The following DSG1 variants were observed in gnomAD, a reference collection of about 807,000 sequenced individuals.
DSG1 encodes desmoglein-1.
DSG1 carries 39 observed loss-of-function variants against 97.5 expected under a neutral mutation model. That is an observed-to-expected ratio of 0.40 (90% CI 0.31 to 0.52). The LOEUF (loss-of-function observed/expected upper bound fraction) is 0.52. Ranked by LOEUF, DSG1 falls within the 20% of genes least tolerant of loss-of-function variation. The pLI, the probability that DSG1 is intolerant of heterozygous loss-of-function variation, is 0.53. For synonymous variants in DSG1, 475 were observed against 443.4 expected (o/e 1.07, Z -0.90); for missense variants, 1,311 against 1,295.4 (o/e 1.01, Z -0.18).
chr18:31,334,318 A>G (rs979509144), intron 8 of DSG1, 116 bp downstream of exon 8: 4 of 684,348 alleles, frequency 5.8e-6, no homozygotes. Context: ...AATAAAAATT[A>G]CTGTGTTTTA....
intron 3 of DSG1, among the ~76,000 whole-genome samples, chr18:31,327,497 A>G (rs1456041425): frequency 6.6e-6 from 1 of 152,118 alleles, no homozygotes; most frequent in Non-Finnish European, 1.5e-5. Flanking sequence ...TCATGAACAT[A>G]CAGATGTACA....
chr18:31,330,101 T>C (rs2071711143), intron 5 of DSG1, 65 bp downstream of exon 5: 2 of 1,557,904 alleles, frequency 1.3e-6, no homozygotes, highest in Admixed American at 3.3e-5. Flanking sequence ...GACTAAACTA[T>C]GTCAAAGTAC....
Position 31,354,349 on chromosome 18 carries a change from T to C in DSG1, c.2153T>C (p.Leu718Ser). 6.2e-7 allele frequency: 1 copy of C among 1,614,252 alleles called. No homozygotes were observed. Among genetic ancestry groups the C allele is most frequent in the Non-Finnish European group, 8.5e-7 (1 of 1,180,044 alleles). ...EDEGRPSNDC[L>S]LIYDIEGVGS... ...GAAGGACGCCCATCTAATGACTGTT[T>C]GCTCATATATGACATCGAAGGTGTA... The change falls in exon 15 of 15, where the codon TTG becomes TCG. Residue 718 changes from leucine to serine, a missense_variant. Physicochemically the swap from Leu to Ser is moderately radical, Grantham distance 145 (BLOSUM62 -2). Coordinates refer to ENST00000257192, the MANE Select transcript of DSG1 (RefSeq NM_001942.4).
Position 31,328,130 on chromosome 18 carries a change from T to C in DSG1, c.217-59T>C, listed in dbSNP as rs141709185. 97 of 1,577,294 alleles carry C rather than the reference T, an allele frequency of 6.1e-5. No individual in the cohort carries two copies. The African/African-American group carries it at 1.1e-3, about 18-fold the overall frequency. ...AACAACTCTCAAGAAAGCTGTCGTA[T>C]ATCAAATATAGAACTCTATTTGCTC... is the stretch of plus-strand genomic sequence containing the variant. On this transcript the variant is annotated intron_variant, in intron 3 of 14. Transcript: ENST00000257192.
chr18:31,340,739 G>A (rs1328169523), intron 11 of DSG1, among the ~76,000 whole-genome samples: 1 of 152,134 alleles, frequency 6.6e-6, no homozygotes. Flanking sequence ...ACTCCAGTGT[G>A]CAAGAAATAA....
chr18:31,336,596 A>T lies in DSG1; in HGVS notation c.1248A>T (p.Arg416Ser). The change falls in exon 9 of 15, where the codon AGA (arginine) becomes AGT (serine). Residue 416 changes from arginine to serine, a missense_variant. This residue lies in a region of DSG1 where 1,038 missense variants were observed against 964.6 expected (regional missense o/e 1.08). Coordinates refer to ENST00000257192, the MANE Select transcript of DSG1 (RefSeq NM_001942.4). ...TAGCTACTGACCTGGACACAGGTAG[A>T]CCTTCAACGACTGTTAGGTAAGAAT... is the stretch of plus-strand genomic sequence containing the variant. Reference protein sequence around the residue: ...DFVATDLDTGRPSTTVRYVMG... With the variant: ...DFVATDLDTGSPSTTVRYVMG... 2 of 1,614,030 alleles carry T rather than the reference A, an allele frequency of 1.2e-6. No homozygotes were observed. Among genetic ancestry groups the T allele is most frequent in the Non-Finnish European group, 1.7e-6 (2 of 1,179,932 alleles).
In DSG1 at chr18:31,357,347, G is replaced by A. The variant is rs1452380915; in HGVS notation, c.*2001G>A. 2.0e-5 allele frequency among the ~76,000 whole-genome samples: 3 copies of A among 151,974 alleles called. No individual in the cohort carries two copies. The highest frequency in any genetic ancestry group is 4.8e-5 in the African/African-American group (2 of 41,408). On this transcript the variant is annotated 3_prime_UTR_variant, in exon 15 of 15. Transcript: ENST00000257192. ...ACTTAGGGGGCCACATTAAGGATGG[G>A]TAATCTTTCCAGGAATAAAGTCAAA...
chr18:31,358,001 A>C lies in DSG1; in HGVS notation c.*2655A>C, dbSNP rs1404355805. Among the ~76,000 whole-genome samples the C allele has an allele frequency of 2.0e-5, 3 of 151,952 alleles. No individual in the cohort carries two copies. The highest frequency in any genetic ancestry group is 7.2e-5 in the African/African-American group (3 of 41,430). On this transcript the variant is annotated 3_prime_UTR_variant, in exon 15 of 15. Transcript: ENST00000257192. ...GGCAGAACTTCATTCTTCTTCTTAG[A>C]TGTTTACTCTAGATCATATACATCA...
chr18:31,328,413 C>T, intron 4 of DSG1, 69 bp downstream of exon 4: 1 of 1,488,750 alleles, frequency 6.7e-7, no homozygotes, highest in Non-Finnish European at 9.3e-7. Flanking sequence ...AATCTCAGAT[C>T]ATACTTAATT....
chr18:31,355,753 G>A lies in DSG1; in HGVS notation c.*407G>A, dbSNP rs186102675. The A allele has an allele frequency of 1.2e-4, 23 of 185,570 alleles. No homozygotes were observed. Among genetic ancestry groups the A allele is most frequent in the African/African-American group, 4.7e-4 (20 of 42,510 alleles). 11.5% of individuals were successfully genotyped at this position (185,570 alleles called of 1,614,324 possible). A position where few individuals can be genotyped will look rare whatever the true frequency, so the allele number is the denominator to read the frequency against. On this transcript the variant is annotated 3_prime_UTR_variant, in exon 15 of 15. Transcript: ENST00000257192. ...CATATCTATGGGAAAAATCTAAAAT[G>A]TGTGCCAGATGCCCTGTTGGTTTCA...
chr18:31,354,784 T>C lies in DSG1; in HGVS notation c.2588T>C (p.Val863Ala). Residue 863 changes from valine to alanine, a missense_variant, in exon 15 of 15, where the codon GTA becomes GCA. Physicochemically the swap from Val to Ala is moderately conservative, Grantham distance 64 (BLOSUM62 0). Around this residue, in one of 3 missense-constraint regions of DSG1, gnomAD observed 1,038 missense variants for 964.6 expected, o/e 1.08. Coordinates refer to ENST00000257192, the MANE Select transcript of DSG1 (RefSeq NM_001942.4). ...VHDNRPASNV[V>A]VTERVVGPIS... is the part of the protein sequence containing the mutation. ...GATAACCGACCAGCATCAAACGTGGTAGTGACAGAGAGAGTGGTCGGCCCA... is the reference window on the plus strand; with the variant it reads ...GATAACCGACCAGCATCAAACGTGGCAGTGACAGAGAGAGTGGTCGGCCCA... 2 of 1,614,134 alleles carry C rather than the reference T, an allele frequency of 1.2e-6. No homozygotes were observed. Among genetic ancestry groups the C allele is most frequent in the African/African-American group, 1.3e-5 (1 of 75,030 alleles).
Position 31,354,359 on chromosome 18 carries a change from T to C in DSG1, c.2163T>C (p.Tyr721=), listed in dbSNP as rs369546705. 1.3e-4 allele frequency: 214 copies of C among 1,614,126 alleles called. No individual in the cohort carries two copies. Among genetic ancestry groups the C allele is most frequent in the South Asian group, 3.4e-4 (31 of 91,094 alleles). Residue 721 remains tyrosine (Y), a synonymous_variant, in exon 15 of 15, where the codon TAT becomes TAC. Transcript: ENST00000257192. The part of the protein sequence containing the change: ...GRPSNDCLLI[Y]DIEGVGSPAG... ...CATCTAATGACTGTTTGCTCATATA[T>C]GACATCGAAGGTGTAGGTTCCCCTG...
intron 1 of DSG1, among the ~76,000 whole-genome samples, chr18:31,320,571 C>T (rs897640052): frequency 8.5e-5 from 13 of 152,154 alleles, no homozygotes; most frequent in Admixed American, 6.5e-4. Flanking sequence ...CAATCAAGAT[C>T]GCTCTATGGC....
At chr18:31,334,768 C>T (rs77442324) in intron 8 of DSG1, among the ~76,000 whole-genome samples, 8,502 of 152,124 alleles carry the variant, frequency 0.056, 298 homozygotes, top group African/African-American at 0.093. Flanking sequence ...CCAAGTCAAC[C>T]GGTCCAGAAC....
At chr18:31,333,142 T>G (rs550215366) in intron 6 of DSG1, among the ~76,000 whole-genome samples, 1 of 152,304 alleles carries the variant, frequency 6.6e-6, no homozygotes, top group South Asian at 2.1e-4. Context: ...GAGTCAAGAA[T>G]AGATACATCA....
At chr18:31,346,238 G>A (rs199777355) in intron 14 of DSG1, 40 bp downstream of exon 14, 54 of 1,520,040 alleles carry the variant, frequency 3.6e-5, no homozygotes, top group Admixed American at 1.2e-4. Flanking sequence ...CCATCCATGT[G>A]CCTGCTGCTC....
intron 4 of DSG1, among the ~76,000 whole-genome samples, chr18:31,329,254 T>G (rs1478921267): frequency 6.6e-6 from 1 of 152,016 alleles, no homozygotes; most frequent in African/African-American, 2.4e-5. Context: ...GGCCAACACT[T>G]CTTAATATTA....
chr18:31,323,966 TC>T (rs1369656901), intron 1 of DSG1, among the ~76,000 whole-genome samples: 4 of 148,852 alleles, frequency 2.7e-5, no homozygotes, highest in Non-Finnish European at 5.9e-5. Context: ...CGCCACTCCT[TC>T]TCTCCTTCCT....
intron 1 of DSG1, among the ~76,000 whole-genome samples, chr18:31,318,981 A>G (rs2071637254): frequency 6.6e-6 from 1 of 152,190 alleles, no homozygotes; most frequent in Admixed American, 6.6e-5. Flanking sequence ...ATATTAAGTG[A>G]AGAAGTGGCT....
Sources: gnomAD v4.1 joint callset for allele counts (sites outside exome capture counted in the v4.1 genomes callset) on GRCh38, gnomAD v4.1.1 for gene constraint, gnomAD v4.1.1 regional missense constraint, MANE v1.5 for transcripts, NCBI Gene and HGNC (gene_info 2026-07-23, HGNC 2026-07-21) for gene names.